Variants in CD163L1 observed in about 807,000 individuals in gnomAD.
CD163L1 encodes the protein CD163 molecule like 1.
CD163L1 carries 124 observed loss-of-function variants against 165.4 expected under a neutral mutation model. The observed-to-expected ratio is 0.75, with a 90% CI of 0.65 to 0.87. The LOEUF is 0.87. CD163L1 is among the 40% of genes least tolerant of loss of function. The pLI is 0.00. For synonymous variants in CD163L1, 585 were observed against 662.2 expected (o/e 0.88, Z 1.79); for missense variants, 1,525 against 1,799.9 (o/e 0.85, Z 2.76).
the CD163L1 span, among the ~76,000 whole-genome samples, chr12:7,318,968 A>G: frequency 1.3e-5 from 2 of 152,138 alleles, no homozygotes; most frequent in Non-Finnish European, 2.9e-5. Flanking sequence ...GACTAGGGGG[A>G]GCGGGGAGAT....
At chr12:7,439,023 C>A (rs1948777756) in intron 2 of CD163L1, 3 of 1,605,766 alleles carry the variant, frequency 1.9e-6, no homozygotes, top group Admixed American at 1.7e-5. Flanking sequence ...CCTCTGACAT[C>A]GGTATCCTCC....
intron 4 of CD163L1, among the ~76,000 whole-genome samples, chr12:7,416,544 G>C (rs1948245775): frequency 6.6e-6 from 1 of 152,052 alleles, no homozygotes; most frequent in South Asian, 2.1e-4. Context: ...GGGTTTTTAT[G>C]GTTTTAGGTC....
chr12:7,358,693 A>G lies in CD163L1; in HGVS notation c.4280-1207T>C, dbSNP rs184072528. 2.6e-5 allele frequency among the ~76,000 whole-genome samples: 4 copies of G among 152,266 alleles called. No individual in the cohort carries two copies. The East Asian group carries it at 7.7e-4, about 29-fold the overall frequency. On this transcript the variant is annotated intron_variant, in intron 18 of 19. Coordinates refer to ENST00000313599, the MANE Select transcript of CD163L1 (RefSeq NM_174941.6). ...CACTATATATCATGTCTGACTTTCT[A>G]CAAAATAATTACAAGGCACACTGAA...
rs775018966 is a variant in CD163L1, at chr12:7,400,560, G to A, written c.1409-1976C>T. On this transcript the variant is annotated intron_variant, in intron 6 of 19. Coordinates refer to ENST00000313599, the MANE Select transcript of CD163L1 (RefSeq NM_174941.6). The surrounding 1 kb of genome is among the most constrained non-coding windows in gnomAD (Gnocchi z 4.1). ...TTTGCTATGTTGCCCAGGCTGGAGT[G>A]GAGTGGCTATTTACAGGTGCAATCA... 3.3e-5 allele frequency among the ~76,000 whole-genome samples: 5 copies of A among 152,182 alleles called. No homozygotes were observed. The highest frequency in any genetic ancestry group is 3.3e-4 in the Admixed American group (5 of 15,270).
intron 8 of CD163L1, among the ~76,000 whole-genome samples, chr12:7,379,817 C>T (rs1043616604): frequency 2.7e-5 from 4 of 146,276 alleles, no homozygotes; most frequent in East Asian, 2.0e-4. Flanking sequence ...AATTGGAGCT[C>T]GGGAAAAGAA....
intron 4 of CD163L1, among the ~76,000 whole-genome samples, chr12:7,349,655 G>A (rs1050024619): frequency 2.0e-5 from 3 of 152,182 alleles, no homozygotes; most frequent in African/African-American, 7.2e-5. Flanking sequence ...CGAGCGGGCA[G>A]ATACATTTCT....
intron 5 of CD163L1, among the ~76,000 whole-genome samples, chr12:7,405,458 C>G (rs1038704411): frequency 6.6e-6 from 1 of 152,084 alleles, no homozygotes; most frequent in African/African-American, 2.4e-5. Flanking sequence ...CCAGATAAAA[C>G]TTGCAAGCAA....
chr12:7,433,329 G>T, intron 3 of CD163L1, 45 bp downstream of exon 3: 1 of 1,499,848 alleles, frequency 6.7e-7, no homozygotes, highest in Non-Finnish European at 9.0e-7. Flanking sequence ...GATGATTCCT[G>T]AGGGTAGGTC....
At chr12:7,387,509 G>A (rs1373595604) in intron 8 of CD163L1, among the ~76,000 whole-genome samples, 1 of 152,126 alleles carries the variant, frequency 6.6e-6, no homozygotes, top group Non-Finnish European at 1.5e-5. Flanking sequence ...TCCTGGTGGT[G>A]GATTGCTCAT....
intron 4 of CD163L1, among the ~76,000 whole-genome samples, chr12:7,412,879 G>A (rs748893498): frequency 8.6e-5 from 13 of 151,810 alleles, no homozygotes; most frequent in Non-Finnish European, 1.5e-4. Flanking sequence ...GGTAGATCAC[G>A]AGGTCAGGAG....
chr12:7,430,291 C>T (rs1452188221), intron 4 of CD163L1, among the ~76,000 whole-genome samples: 1 of 152,098 alleles, frequency 6.6e-6, no homozygotes, highest in Non-Finnish European at 1.5e-5. Flanking sequence ...TTGAACTACT[C>T]CAAGACTTTA....
At chr12:7,421,524 CAT>C (rs1317094782) in intron 4 of CD163L1, among the ~76,000 whole-genome samples, 17 of 111,080 alleles carry the variant, frequency 1.5e-4, no homozygotes, top group African/African-American at 4.5e-4. Flanking sequence ...CATATATGTA[CAT>C]ATATACATAT....
chr12:7,384,698 T>C (rs1426060551), intron 8 of CD163L1, among the ~76,000 whole-genome samples: 2 of 151,976 alleles, frequency 1.3e-5, no homozygotes, highest in Admixed American at 1.3e-4. Flanking sequence ...CCAGCAAAGT[T>C]ACCCTTCAAA....
At chr12:7,405,270 C>G (rs1947994383) in intron 5 of CD163L1, among the ~76,000 whole-genome samples, 1 of 152,100 alleles carries the variant, frequency 6.6e-6, no homozygotes, top group Non-Finnish European at 1.5e-5. Context: ...GATTAAGATT[C>G]TCTCTGTTTC....
In CD163L1 at chr12:7,432,969, T is replaced by C. The variant is rs1400731560; in HGVS notation, c.446-233A>G. 1.3e-5 allele frequency among the ~76,000 whole-genome samples: 2 copies of C among 152,224 alleles called. No homozygotes were observed. The highest frequency in any genetic ancestry group is 2.9e-5 in the Non-Finnish European group (2 of 68,044). ...ATCATTAGCATGATATTCTTTATCATTTTGCTTTAATTTTATACCTCATTT... is the reference window on the plus strand; with the variant it reads ...ATCATTAGCATGATATTCTTTATCACTTTGCTTTAATTTTATACCTCATTT... On this transcript the variant is annotated intron_variant, in intron 3 of 19. Coordinates refer to ENST00000313599, the MANE Select transcript of CD163L1 (RefSeq NM_174941.6). The surrounding 1 kb of genome is among the most constrained non-coding windows in gnomAD (Gnocchi z 4.2).
At chr12:7,337,739 C>A in the CD163L1 span, among the ~76,000 whole-genome samples, 1 of 152,158 alleles carries the variant, frequency 6.6e-6, no homozygotes, top group African/African-American at 2.4e-5. Flanking sequence ...TTAGTTCAAC[C>A]ACTGTAGAAG....
At chr12:7,323,515 C>T in the CD163L1 span, 1 of 1,613,872 alleles carries the variant, frequency 6.2e-7, no homozygotes, top group Non-Finnish European at 8.5e-7. Flanking sequence ...AAATTGCCCT[C>T]AGACTCAAAC....
rs751636094 is a variant in CD163L1, at chr12:7,375,323, G to T, written c.2959C>A (p.Pro987Thr). The T allele has an allele frequency of 6.2e-7, 1 of 1,614,106 alleles. No individual in the cohort carries two copies. The highest frequency in any genetic ancestry group is 8.5e-7 in the Non-Finnish European group (1 of 1,180,028). Residue 987 changes from proline to threonine, a missense_variant, in exon 11 of 20, where the codon CCT becomes ACT. Coordinates refer to ENST00000313599, the MANE Select transcript of CD163L1 (RefSeq NM_174941.6). Reference protein sequence around the residue: ...DNCQMTVLGAPPCIHGNTVSV... With the variant: ...DNCQMTVLGATPCIHGNTVSV... ...ACAGTATTTCCATGGATACAGGGAG[G>T]TGCTCCAAGAACTGTCATTTGACAG...
At position 7,372,704 on chromosome 12, in the gene CD163L1, C is replaced by CT. The variant is rs1479188239; in HGVS notation, c.3730+615dup. 4.0e-5 allele frequency among the ~76,000 whole-genome samples: 6 copies of CT among 151,510 alleles called. No individual in the cohort carries two copies. The highest frequency in any genetic ancestry group is 7.4e-5 in the Non-Finnish European group (5 of 67,830). On this transcript the variant is annotated intron_variant, in intron 14 of 19. Coordinates refer to ENST00000313599, the MANE Select transcript of CD163L1 (RefSeq NM_174941.6). The surrounding 1 kb of genome is among the most constrained non-coding windows in gnomAD (Gnocchi z 4.2). The stretch of plus-strand genomic sequence containing the variant: ...ACACATTTCATATACACAATCATAA[C>CT]TTTAAGTTTTTGTACAAAAGGAAGA...
Sources: allele counts gnomAD v4.1 joint callset (sites outside exome capture counted in the v4.1 genomes callset), GRCh38; gene constraint gnomAD v4.1.1; non-coding constraint Gnocchi (gnomAD v3.1); transcripts MANE v1.5; gene names NCBI Gene and HGNC (gene_info 2026-07-23, HGNC 2026-07-21).